MERTK: variants seen among roughly 807,000 people sequenced by gnomAD.
MERTK encodes MER proto-oncogene, tyrosine kinase.
In MERTK, 69 loss-of-function variants were observed where a neutral mutation model predicts 99.3. The observed-to-expected ratio is 0.70, with a 90% CI of 0.57 to 0.85. The LOEUF (loss-of-function observed/expected upper bound fraction) is 0.85, where lower values mean the gene tolerates loss of function less well. MERTK is among the 40% of genes least tolerant of loss of function. The probability of loss-of-function intolerance (pLI) is 0.00; values close to 1 mark genes in which losing one functional copy is unlikely to be tolerated. For synonymous variants in MERTK, 426 were observed against 467.6 expected, an observed-to-expected ratio of 0.91 and a Z score of 1.15; for missense variants, 1,125 against 1,249.4, an observed-to-expected ratio of 0.90 and a Z score of 1.50.
In MERTK at chr2:112,021,414, C is replaced by A; in HGVS notation, c.2190-8C>A. On this transcript the variant is annotated splice_polypyrimidine_tract_variant and splice_region_variant and intron_variant, in intron 16 of 18. Coordinates refer to ENST00000295408, the MANE Select transcript of MERTK (RefSeq NM_006343.3). ...GACGCTGCTGAAGACGTAACCTGCTCTCTGTAGGTTGCGAGATGACATGAC... is the reference window on the plus strand; with the variant it reads ...GACGCTGCTGAAGACGTAACCTGCTATCTGTAGGTTGCGAGATGACATGAC... 1 of 1,612,806 alleles carries A rather than the reference C, an allele frequency of 6.2e-7. No homozygotes were observed. Among genetic ancestry groups the A allele is most frequent in the South Asian group, 1.1e-5 (1 of 90,996 alleles).
intron 1 of MERTK, among the ~76,000 whole-genome samples, chr2:111,911,629 G>A (rs1030272066): frequency 2.1e-5 from 3 of 145,528 alleles, no homozygotes; most frequent in African/African-American, 7.7e-5. Flanking sequence ...CCTCCAGTGT[G>A]ATCTGCCCGT....
chr2:112,026,709 G>A (rs1342915214), intron 18 of MERTK, among the ~76,000 whole-genome samples: 2 of 152,210 alleles, frequency 1.3e-5, no homozygotes, highest in Non-Finnish European at 2.9e-5. Flanking sequence ...CCAGCCTCCA[G>A]CTTCCGGATG....
intron 1 of MERTK, among the ~76,000 whole-genome samples, chr2:111,905,426 C>T (rs1460505243): frequency 1.4e-5 from 2 of 140,630 alleles, no homozygotes; most frequent in Admixed American, 8.1e-5. Flanking sequence ...GAGAAACCTA[C>T]ACTGTTCTTT....
chr2:111,970,820 C>T (rs1261887608), intron 6 of MERTK, among the ~76,000 whole-genome samples: 3 of 96,458 alleles, frequency 3.1e-5, no homozygotes, highest in African/African-American at 1.2e-4. Flanking sequence ...CTCCTCCTCC[C>T]TCCTCCTCCC....
At chr2:111,978,203 G>A (rs1018367642) in intron 7 of MERTK, among the ~76,000 whole-genome samples, 4 of 150,696 alleles carry the variant, frequency 2.7e-5, no homozygotes, top group Non-Finnish European at 5.9e-5. Context: ...AGGCTGGAGT[G>A]CAATGGTGTA....
At chr2:111,920,988 A>G (rs574142398) in intron 1 of MERTK, among the ~76,000 whole-genome samples, 1 of 151,842 alleles carries the variant, frequency 6.6e-6, no homozygotes, top group Admixed American at 6.6e-5. Context: ...TCCTTTGGGT[A>G]TTGCATAAAT....
At chr2:111,961,050 C>T (rs1315774743) in intron 4 of MERTK, among the ~76,000 whole-genome samples, 1 of 150,652 alleles carries the variant, frequency 6.6e-6, no homozygotes, top group African/African-American at 2.4e-5. Flanking sequence ...ATTCACTACA[C>T]AAACTAGTAG....
chr2:111,971,561 C>T (rs1455419458), intron 6 of MERTK, among the ~76,000 whole-genome samples: 1 of 151,784 alleles, frequency 6.6e-6, no homozygotes, highest in Non-Finnish European at 1.5e-5. Flanking sequence ...TTTTTTTTGT[C>T]CTCTTGATTA....
intron 2 of MERTK, chr2:111,940,803 T>C: frequency 9.6e-7 from 1 of 1,045,010 alleles, no homozygotes; most frequent in Non-Finnish European, 1.5e-6. Flanking sequence ...AGTCAATAGC[T>C]TCTTGTCGAT....
At chr2:111,987,239 A>G (rs1676497877) in intron 8 of MERTK, among the ~76,000 whole-genome samples, 1 of 152,200 alleles carries the variant, frequency 6.6e-6, no homozygotes, top group African/African-American at 2.4e-5. Flanking sequence ...TCCTTGGCTT[A>G]TCGCAGCTAC....
intron 10 of MERTK, among the ~76,000 whole-genome samples, chr2:111,998,234 T>TAA (rs1224337793): frequency 6.6e-6 from 1 of 152,218 alleles, no homozygotes; most frequent in Non-Finnish European, 1.5e-5. Flanking sequence ...TGTTATACCT[T>TAA]AGTATGTGAA....
chr2:112,012,426 G>A (rs1453974061), intron 15 of MERTK, among the ~76,000 whole-genome samples: 1 of 151,638 alleles, frequency 6.6e-6, no homozygotes, highest in South Asian at 2.1e-4. Flanking sequence ...CCTCTTCTTG[G>A]CTTGTTCATT....
At chr2:111,944,315 A>AG (rs1043110232) in intron 2 of MERTK, among the ~76,000 whole-genome samples, 1 of 151,406 alleles carries the variant, frequency 6.6e-6, no homozygotes. Context: ...AAAAAAAAAA[A>AG]AAAAAAAAAA....
At chr2:112,023,936 G>A (rs80289955) in intron 18 of MERTK, among the ~76,000 whole-genome samples, 1,650 of 152,226 alleles carry the variant, frequency 0.011, 16 homozygotes, top group Middle Eastern at 0.034. Context: ...TCACATGGGA[G>A]AGAGAGCCTG....
At chr2:111,959,267 T>C (rs1480820823) in intron 4 of MERTK, among the ~76,000 whole-genome samples, 1 of 152,182 alleles carries the variant, frequency 6.6e-6, no homozygotes, top group Admixed American at 6.5e-5. Flanking sequence ...TATATGTATC[T>C]TCTTTCTTAA....
chr2:111,994,380 G>A lies in MERTK; in HGVS notation c.1426G>A (p.Val476Met), dbSNP rs758412728. 1 of 1,614,204 alleles carries A rather than the reference G, an allele frequency of 6.2e-7. No homozygotes were observed. Among genetic ancestry groups the A allele is most frequent in the Non-Finnish European group, 8.5e-7 (1 of 1,180,044 alleles). Reference sequence around the variant, plus strand: ...GGGAGTTGGGCCCTTCAGTGATCCAGTGAAAATATTTATCCCTGCACACGG... The same window carrying A: ...GGGAGTTGGGCCCTTCAGTGATCCAATGAAAATATTTATCCCTGCACACGG... The part of the protein sequence containing the change: ...RGGVGPFSDP[V>M]KIFIPAHGWV... Residue 476 changes from valine to methionine, a missense_variant, in exon 9 of 19, where the codon GTG becomes ATG. Coordinates refer to ENST00000295408, the MANE Select transcript of MERTK (RefSeq NM_006343.3).
chr2:111,949,778 T>C (rs1685023649), intron 4 of MERTK, among the ~76,000 whole-genome samples: 2 of 152,200 alleles, frequency 1.3e-5, no homozygotes, highest in Non-Finnish European at 1.5e-5. Flanking sequence ...TCTGTTCTTA[T>C]ATCTGTCATC....
In MERTK at chr2:112,019,434, T is replaced by C. The variant is rs1050671270; in HGVS notation, c.2101T>C (p.Leu701=). 3 of 1,612,822 alleles carry C rather than the reference T, an allele frequency of 1.9e-6. No individual in the cohort carries two copies. Among genetic ancestry groups the C allele is most frequent in the African/African-American group, 1.3e-5 (1 of 74,864 alleles). ...CTAGCATATTCCTCTGCAGACACTA[T>C]TGAAGTTCATGGTGGATATTGCCCT... ...GPKHIPLQTL[L]KFMVDIALGM... The change falls in exon 16 of 19, where the codon TTG becomes CTG. Residue 701 remains leucine (L), a synonymous_variant. Coordinates refer to ENST00000295408, the MANE Select transcript of MERTK (RefSeq NM_006343.3).
intron 7 of MERTK, among the ~76,000 whole-genome samples, chr2:111,979,458 A>G (rs903097512): frequency 1.3e-5 from 2 of 151,792 alleles, no homozygotes; most frequent in African/African-American, 4.8e-5. Context: ...TGTGATGTGC[A>G]ATTTGTTTTG....
Sources: gnomAD v4.1 joint callset for allele counts (sites outside exome capture counted in the v4.1 genomes callset) on GRCh38, gnomAD v4.1.1 for gene constraint, MANE v1.5 for transcripts, NCBI Gene and HGNC (gene_info 2026-07-23, HGNC 2026-07-21) for gene names.